Variants in UGT1A4 observed in about 807,000 individuals in gnomAD.
UGT1A4 encodes the protein UDP-glucuronosyltransferase 1A4.
In UGT1A4, 32 loss-of-function variants were observed where a neutral mutation model predicts 41.1. That is an observed-to-expected ratio of 0.78 (90% CI 0.59 to 1.05). The LOEUF (loss-of-function observed/expected upper bound fraction) is 1.05, where lower values mean the gene tolerates loss of function less well. UGT1A4 is among the 50% of genes least tolerant of loss of function. The pLI is 0.00. For missense variants in UGT1A4, 748 were observed against 677.4 expected, an observed-to-expected ratio of 1.10 and a Z score of -1.16; for synonymous variants, 283 against 265.1, an observed-to-expected ratio of 1.07 and a Z score of -0.66.
In UGT1A4 at chr2:233,718,998, G is replaced by A; in HGVS notation, c.178G>A (p.Val60Ile). 1.9e-6 allele frequency: 3 copies of A among 1,614,266 alleles called. No individual in the cohort carries two copies. The highest frequency in any genetic ancestry group is 2.5e-6 in the Non-Finnish European group (3 of 1,180,052). The change falls in exon 1 of 5, where the codon GTC (valine) becomes ATC (isoleucine). Residue 60 changes from valine (V) to isoleucine (I), a missense_variant. Val to Ile is a conservative substitution (Grantham distance 29, BLOSUM62 3). Transcript: ENST00000373409. ...ELHARGHQAV[V>I]LTPEVNMHIK... The stretch of plus-strand genomic sequence containing the variant: ...CCATGCCAGAGGCCACCAGGCGGTG[G>A]TCCTCACCCCAGAGGTGAATATGCA...
At chr2:233,744,831 G>GCTAGTCTAGCAGAGTAGT (rs1692937900) in intron 1 of UGT1A4, among the ~76,000 whole-genome samples, 2 of 151,816 alleles carry the variant, frequency 1.3e-5, no homozygotes. Context: ...TTTGAGAATC[G>GCTAGTCTAGCAGAGTAGT]CTAGTCTAGC....
intron 1 of UGT1A4, among the ~76,000 whole-genome samples, chr2:233,727,580 T>C (rs17863793): frequency 3.9e-5 from 6 of 152,020 alleles, no homozygotes; most frequent in African/African-American, 1.4e-4. Flanking sequence ...TTAGGAAGCA[T>C]ATAGTTTTAA....
chr2:233,757,558 A>ATG lies in UGT1A4; in HGVS notation c.868-9475_868-9474insGT, dbSNP rs896198958. On this transcript the variant is annotated intron_variant, in intron 1 of 4. Coordinates refer to ENST00000373409, the MANE Select transcript of UGT1A4 (RefSeq NM_007120.3). ...GGAATATATATATATATATATATAT[A>ATG]TATGTATATATGATATAGCTATAGT... is the stretch of plus-strand genomic sequence containing the variant. Among the ~76,000 whole-genome samples, 13 of 124,446 alleles carry ATG rather than the reference A, an allele frequency of 1.0e-4. 1 individual carries two copies. The highest frequency in any genetic ancestry group is 1.7e-4 in the Non-Finnish European group (10 of 60,604). 81.6% of individuals were successfully genotyped at this position (124,446 alleles called of 152,430 possible).
intron 1 of UGT1A4, among the ~76,000 whole-genome samples, chr2:233,739,319 A>G (rs1691051030): frequency 3.3e-5 from 5 of 152,150 alleles, no homozygotes; most frequent in Admixed American, 3.3e-4. Flanking sequence ...AGTTGTGAGA[A>G]GAAGGCCACA....
At chr2:233,752,428 G>C (rs538581016) in intron 1 of UGT1A4, 1 of 152,028 alleles carries the variant, frequency 6.6e-6, no homozygotes, top group African/African-American at 2.4e-5. Context: ...CTGATTTATC[G>C]AACCCTTTTA....
chr2:233,753,302 G>A (rs17862878), intron 1 of UGT1A4: 18,739 of 152,254 alleles, frequency 0.12, 1,732 homozygotes, highest in African/African-American at 0.24. Flanking sequence ...GTGAGACCCC[G>A]TGTGCCCCTG....
At chr2:233,755,143 C>T (rs1695780518) in intron 1 of UGT1A4, 3 of 1,305,190 alleles carry the variant, frequency 2.3e-6, no homozygotes, top group Non-Finnish European at 3.1e-6. Context: ...AATCTTCTCA[C>T]CGCTTCCTCC....
Position 233,756,181 on chromosome 2 carries a change from G to A in UGT1A4, c.868-10853G>A, listed in dbSNP as rs998894236. 3.9e-5 allele frequency: 6 copies of A among 152,158 alleles called. No homozygotes were observed. In the South Asian group the frequency reaches 6.2e-4, roughly 16 times the overall value. The allele number at this position is 152,158 out of a possible 1,614,324, so 9.4% of individuals were successfully genotyped here. ...TTTCCTGGCTCATACTTTGAGAATC[G>A]CTAGTCTAGCAGAGTAGTCCCTGGT... is the stretch of plus-strand genomic sequence containing the variant. On this transcript the variant is annotated intron_variant, in intron 1 of 4. Coordinates refer to ENST00000373409, the MANE Select transcript of UGT1A4 (RefSeq NM_007120.3).
rs753419237 is a variant in UGT1A4, at chr2:233,719,511, T to C, written c.691T>C (p.Tyr231His). The C allele has an allele frequency of 5.6e-6, 9 of 1,613,954 alleles. No individual in the cohort carries two copies. The South Asian group carries it at 8.8e-5, about 16-fold the overall frequency. The change falls in exon 1 of 5, where the codon TAT (tyrosine) becomes CAT (histidine). Residue 231 changes from tyrosine (Y) to histidine (H), a missense_variant. Coordinates refer to ENST00000373409, the MANE Select transcript of UGT1A4 (RefSeq NM_007120.3). ...SYICHTFSAP[Y>H]ASLASELFQR... ...CATTTGCCATACTTTTTCTGCCCCTTATGCAAGTCTTGCCTCTGAGCTTTT... is the reference window on the plus strand; with the variant it reads ...CATTTGCCATACTTTTTCTGCCCCTCATGCAAGTCTTGCCTCTGAGCTTTT...
chr2:233,772,145 G>A, intron 4 of UGT1A4, 117 bp from the exon 5 acceptor site: 1 of 1,552,040 alleles, frequency 6.4e-7, no homozygotes, highest in Non-Finnish European at 8.7e-7. Flanking sequence ...AATAGAAACA[G>A]GTTTCCTTTC....
chr2:233,745,600 C>G (rs1179957536), intron 1 of UGT1A4, among the ~76,000 whole-genome samples: 2 of 151,524 alleles, frequency 1.3e-5, no homozygotes, highest in African/African-American at 4.9e-5. Context: ...GGACTTGGCA[C>G]TTGGTAAGCA....
chr2:233,757,543 T>C (rs1575752289), intron 1 of UGT1A4, among the ~76,000 whole-genome samples: 1 of 117,334 alleles, frequency 8.5e-6, no homozygotes, highest in African/African-American at 3.6e-5. Context: ...GGAATATATA[T>C]ATATATATAT....
chr2:233,729,994 G>A, intron 1 of UGT1A4: 1 of 1,613,954 alleles, frequency 6.2e-7, no homozygotes. Flanking sequence ...ACTATCTCAG[G>A]TCTGTATTGG....
intron 1 of UGT1A4, chr2:233,760,592 A>G (rs2125986394): frequency 1.1e-5 from 18 of 1,614,212 alleles, no homozygotes; most frequent in Non-Finnish European, 1.5e-5. Flanking sequence ...GTTTTTGAGA[A>G]TGATTCTTTC....
chr2:233,754,874 G>C, intron 1 of UGT1A4: 2 of 1,352,006 alleles, frequency 1.5e-6, no homozygotes, highest in Admixed American at 1.9e-5. Flanking sequence ...CTCTGCTTCT[G>C]CTTCCCAGGG....
intron 1 of UGT1A4, among the ~76,000 whole-genome samples, chr2:233,724,104 C>T (rs1174163777): frequency 1.9e-4 from 20 of 105,450 alleles, no homozygotes; most frequent in African/African-American, 7.3e-4. Context: ...CCAGTAGGGG[C>T]GGCCGGGCAG....
chr2:233,770,501 T>C (rs956860149), intron 4 of UGT1A4: 6 of 151,776 alleles, frequency 4.0e-5, no homozygotes, highest in African/African-American at 1.5e-4. Context: ...CAAAAAAATA[T>C]AAAAAAATTA....
intron 1 of UGT1A4, among the ~76,000 whole-genome samples, chr2:233,730,339 G>C (rs954764150): frequency 2.0e-5 from 3 of 152,178 alleles, no homozygotes; most frequent in Non-Finnish European, 4.4e-5. Flanking sequence ...GTTTGGAACT[G>C]ATCCATCCTG....
chr2:233,756,137 T>C (rs776575222), intron 1 of UGT1A4: 2 of 152,178 alleles, frequency 1.3e-5, no homozygotes, highest in Non-Finnish European at 2.9e-5. Context: ...TCCTGAAAAA[T>C]TACTGGGGAT....
Sources: allele counts gnomAD v4.1 joint callset (sites outside exome capture counted in the v4.1 genomes callset), GRCh38; gene constraint gnomAD v4.1.1; transcripts MANE v1.5; gene names NCBI Gene and HGNC (gene_info 2026-07-23, HGNC 2026-07-21).